The following ACAD11 variants were observed in gnomAD, a reference collection of about 807,000 sequenced individuals.
ACAD11 encodes the protein acyl-Coenzyme A dehydrogenase family, member 11.
A neutral mutation model predicts 102.2 loss-of-function variants in ACAD11; 83 were observed. The ratio of observed to expected loss-of-function variants is 0.81; its 90% CI spans 0.68 to 0.97. The LOEUF (loss-of-function observed/expected upper bound fraction) is 0.97, where lower values mean the gene tolerates loss of function less well. ACAD11 is among the 50% of genes least tolerant of loss of function. The pLI, the probability that ACAD11 is intolerant of heterozygous loss-of-function variation, is 0.00. For missense variants in ACAD11, 901 were observed against 951.7 expected, an observed-to-expected ratio of 0.95 and a Z score of 0.70; for synonymous variants, 324 against 319.8, an observed-to-expected ratio of 1.01 and a Z score of -0.14.
At chr3:132,572,978 AG>A (rs1429242000) in intron 17 of ACAD11, among the ~76,000 whole-genome samples, 4 of 152,176 alleles carry the variant, frequency 2.6e-5, no homozygotes, top group African/African-American at 9.7e-5. Flanking sequence ...TTTGTTACAT[AG>A]GTATACAGGT....
intron 17 of ACAD11, among the ~76,000 whole-genome samples, chr3:132,569,636 C>T (rs891016603): frequency 9.9e-5 from 15 of 152,024 alleles, no homozygotes; most frequent in African/African-American, 3.6e-4. Flanking sequence ...TACTACTGAA[C>T]AATAAAAATG....
intron 13 of ACAD11, among the ~76,000 whole-genome samples, chr3:132,582,684 TA>T (rs1217448064): frequency 2.0e-5 from 3 of 149,040 alleles, no homozygotes; most frequent in Non-Finnish European, 3.0e-5. Flanking sequence ...AAAACTGATT[TA>T]AAAAAAAAAC....
intron 13 of ACAD11, among the ~76,000 whole-genome samples, chr3:132,593,962 C>T (rs1041563770): frequency 6.6e-6 from 1 of 152,162 alleles, no homozygotes; most frequent in Admixed American, 6.5e-5. Context: ...ACCCTCTAAG[C>T]TACATGATTA....
intron 17 of ACAD11, among the ~76,000 whole-genome samples, chr3:132,573,468 T>G (rs1324228146): frequency 6.6e-6 from 1 of 152,172 alleles, no homozygotes; most frequent in African/African-American, 2.4e-5. Flanking sequence ...TTATTAAAAT[T>G]AATTCCATCT....
chr3:132,603,385 T>C (rs1168689796), intron 12 of ACAD11, 58 bp from the exon 13 acceptor site: 1 of 1,466,238 alleles, frequency 6.8e-7, no homozygotes, highest in East Asian at 2.3e-5. Context: ...TAGACTTAGA[T>C]AAGGATATGA....
At chr3:132,625,789 C>T (rs1167496568) in intron 9 of ACAD11, among the ~76,000 whole-genome samples, 1 of 152,114 alleles carries the variant, frequency 6.6e-6, no homozygotes, top group Non-Finnish European at 1.5e-5. Context: ...TTTGATTTTA[C>T]CAGGCTAGCT....
chr3:132,570,478 A>AT (rs897402676), intron 17 of ACAD11, among the ~76,000 whole-genome samples: 1 of 151,516 alleles, frequency 6.6e-6, no homozygotes, highest in Non-Finnish European at 1.5e-5. Context: ...ATTTTATTTT[A>AT]TTTTTTTTCT....
chr3:132,615,748 A>G (rs1021278181), intron 11 of ACAD11, among the ~76,000 whole-genome samples: 6 of 152,164 alleles, frequency 3.9e-5, no homozygotes, highest in Non-Finnish European at 8.8e-5. Flanking sequence ...CCACCATGGC[A>G]TGTGTATACC....
intron 5 of ACAD11, among the ~76,000 whole-genome samples, chr3:132,638,448 G>T (rs1258565834): frequency 6.6e-6 from 1 of 152,016 alleles, no homozygotes; most frequent in Non-Finnish European, 1.5e-5. Context: ...ACACTGCTAG[G>T]GAATGAAAGT....
At chr3:132,576,115 C>T (rs1937520384) in intron 16 of ACAD11, among the ~76,000 whole-genome samples, 189 bp from the exon 17 acceptor site, 1 of 152,032 alleles carries the variant, frequency 6.6e-6, no homozygotes, top group Admixed American at 6.6e-5. Flanking sequence ...TTTTTAAAAC[C>T]ACCACCATTA....
In ACAD11 at chr3:132,558,848, C is replaced by A; in HGVS notation, c.*123G>T. 1.4e-6 allele frequency: 1 copy of A among 692,870 alleles called. No individual in the cohort carries two copies. The highest frequency in any genetic ancestry group is 2.5e-6 in the Non-Finnish European group (1 of 407,366). 42.9% of individuals were successfully genotyped at this position (692,870 alleles called of 1,614,324 possible). Reference sequence around the variant, plus strand: ...ATCAAAATAGATGCTATAATCTTTACCACAAATGAATAATTAACCCTGTGC... The same window carrying A: ...ATCAAAATAGATGCTATAATCTTTAACACAAATGAATAATTAACCCTGTGC... On this transcript the variant is annotated 3_prime_UTR_variant, in exon 20 of 20. Coordinates refer to ENST00000264990, the MANE Select transcript of ACAD11 (RefSeq NM_032169.5).
intron 5 of ACAD11, among the ~76,000 whole-genome samples, chr3:132,635,892 A>C (rs1347471455): frequency 1.3e-5 from 2 of 151,972 alleles, no homozygotes; most frequent in Admixed American, 1.3e-4. Flanking sequence ...ATAAATTACT[A>C]TACTAGCTAG....
rs545408600 is a variant in ACAD11 at position 132,560,700 on chromosome 3, C to T, written c.2118+401G>A. Among the ~76,000 whole-genome samples, 3 of 152,226 alleles carry T rather than the reference C, an allele frequency of 2.0e-5. 1 individual carries two copies. Among genetic ancestry groups the T allele is most frequent in the African/African-American group, 4.8e-5 (2 of 41,552 alleles). On this transcript the variant is annotated intron_variant, in intron 18 of 19. Coordinates refer to ENST00000264990, the MANE Select transcript of ACAD11 (RefSeq NM_032169.5). Reference sequence around the variant, plus strand: ...TGGATTACAGGCGAGAGCCACTGTACGTGGCTTCTGCACATTCTATGTACA... The same window carrying T: ...TGGATTACAGGCGAGAGCCACTGTATGTGGCTTCTGCACATTCTATGTACA...
intron 13 of ACAD11, among the ~76,000 whole-genome samples, chr3:132,595,811 T>C (rs975787032): frequency 1.3e-5 from 2 of 152,084 alleles, no homozygotes; most frequent in Non-Finnish European, 1.5e-5. Context: ...GCTGGTGAGG[T>C]TGTGAAGAAA....
Position 132,570,655 on chromosome 3 carries a change from T to A in ACAD11, c.2001+5117A>T, listed in dbSNP as rs964725978. On this transcript the variant is annotated intron_variant, in intron 17 of 19. Transcript: ENST00000264990. Reference sequence around the variant, plus strand: ...TAGTTATTTTTCCCGACCCTCTCCCTCCTCCCACCTTCCACCCTCTGGTAG... The same window carrying A: ...TAGTTATTTTTCCCGACCCTCTCCCACCTCCCACCTTCCACCCTCTGGTAG... Among the ~76,000 whole-genome samples, 4 of 152,102 alleles carry A rather than the reference T, an allele frequency of 2.6e-5. No homozygotes were observed. The East Asian group carries it at 7.7e-4, about 29-fold the overall frequency.
intron 17 of ACAD11, among the ~76,000 whole-genome samples, chr3:132,568,141 C>T (rs1256233282): frequency 6.6e-6 from 1 of 152,058 alleles, no homozygotes; most frequent in African/African-American, 2.4e-5. Context: ...GCTGGAGAAT[C>T]GCTTGAACCC....
At chr3:132,583,013 T>C in intron 13 of ACAD11, among the ~76,000 whole-genome samples, 1 of 152,168 alleles carries the variant, frequency 6.6e-6, no homozygotes, top group Non-Finnish European at 1.5e-5. Context: ...AAAATTCTGT[T>C]TTTTTGTTGT....
chr3:132,636,634 A>T (rs1275925867), intron 5 of ACAD11, among the ~76,000 whole-genome samples: 1 of 152,170 alleles, frequency 6.6e-6, no homozygotes, highest in Non-Finnish European at 1.5e-5. Flanking sequence ...TAGCGGGTAA[A>T]ATAAAGTGTG....
At position 132,568,801 on chromosome 3, in the gene ACAD11, C is replaced by CAAAAA. The variant is rs755568917; in HGVS notation, c.2001+6966_2001+6970dup. Among the ~76,000 whole-genome samples, 35 of 68,680 alleles carry CAAAAA rather than the reference C, an allele frequency of 5.1e-4. 1 individual carries two copies. Among genetic ancestry groups the CAAAAA allele is most frequent in the African/African-American group, 1.5e-3 (29 of 19,636 alleles). 45.1% of individuals were successfully genotyped at this position (68,680 alleles called of 152,430 possible). ...GCTGAAGCAATTGGACATCCACAGG[C>CAAAAA]AAAAAAAAAAAAAAAAAAAAAAAAA... On this transcript the variant is annotated intron_variant, in intron 17 of 19. Coordinates refer to ENST00000264990, the MANE Select transcript of ACAD11 (RefSeq NM_032169.5).
Sources: gnomAD v4.1 joint callset for allele counts (sites outside exome capture counted in the v4.1 genomes callset) on GRCh38, gnomAD v4.1.1 for gene constraint, MANE v1.5 for transcripts, NCBI Gene and HGNC (gene_info 2026-07-23, HGNC 2026-07-21) for gene names.